TLK1: variants seen among roughly 807,000 people sequenced by gnomAD.
TLK1 encodes serine/threonine-protein kinase tousled-like 1.
In TLK1, 24 loss-of-function variants were observed where a neutral mutation model predicts 105.3. The observed-to-expected ratio is 0.23, with a 90% CI of 0.17 to 0.32. The LOEUF is 0.32. Among genes scored for constraint, TLK1 ranks in the 10% least tolerant of loss-of-function variants. TLK1 has a pLI of 1.00. For missense variants in TLK1, 558 were observed against 910.5 expected (o/e 0.61, Z 4.98); for synonymous variants, 321 against 310.4 (o/e 1.03, Z -0.36).
rs1684911934 is a variant in TLK1, at chr2:171,011,459, G to A, written c.1335-5C>T. The A allele has an allele frequency of 6.2e-7, 1 of 1,607,742 alleles. No individual in the cohort carries two copies. Among genetic ancestry groups the A allele is most frequent in the South Asian group, 1.1e-5 (1 of 89,806 alleles). ...AATGTTGGGTGATCTTTGAACCTTAGAGGTGGGGGCAAAAAACAGACATAT... is the reference window on the plus strand; with the variant it reads ...AATGTTGGGTGATCTTTGAACCTTAAAGGTGGGGGCAAAAAACAGACATAT... On this transcript the variant is annotated splice_region_variant and splice_polypyrimidine_tract_variant and intron_variant, in intron 13 of 20. Transcript: ENST00000431350.
At chr2:171,032,090 A>ACAACAACAACAACAAAAGG (rs1686073602) in intron 11 of TLK1, among the ~76,000 whole-genome samples, 1 of 152,068 alleles carries the variant, frequency 6.6e-6, no homozygotes, top group South Asian at 2.1e-4. Flanking sequence ...GAAAAGAACA[A>ACAACAACAACAACAAAAGG]CAACAACAAC....
At position 171,204,808 on chromosome 2, in the gene TLK1, A is replaced by C. The variant is rs182818731; in HGVS notation, c.-6+26337T>G. 3.6e-3 allele frequency among the ~76,000 whole-genome samples: 551 copies of C among 152,194 alleles called. 6 individuals carry two copies. The highest frequency in any genetic ancestry group is 0.013 in the African/African-American group (522 of 41,524). On this transcript the variant is annotated intron_variant, in intron 1 of 20. Coordinates refer to the TLK1 transcript ENST00000521943. ...ACCCCATTTCTACTAAAATACAAAA[A>C]TTAGCTGGGCGTGGTGGCCGGTGCC...
At chr2:171,148,876 T>C (rs1691900711) in intron 1 of TLK1, among the ~76,000 whole-genome samples, 1 of 39,370 alleles carries the variant, frequency 2.5e-5, no homozygotes. Flanking sequence ...TGAGACTCTG[T>C]CTTAAAAAAA....
chr2:171,185,443 C>CT (rs1413549513), intron 1 of TLK1, among the ~76,000 whole-genome samples: 1 of 152,162 alleles, frequency 6.6e-6, no homozygotes, highest in African/African-American at 2.4e-5. Context: ...TGACATATGA[C>CT]ACTGCCTATC....
chr2:171,066,649 C>G (rs1299740291), intron 3 of TLK1, among the ~76,000 whole-genome samples: 1 of 152,212 alleles, frequency 6.6e-6, no homozygotes, highest in Non-Finnish European at 1.5e-5. Flanking sequence ...CCACTGCATT[C>G]ACACATGTTT....
chr2:171,218,470 A>G (rs1378812048), intron 1 of TLK1, among the ~76,000 whole-genome samples: 2 of 152,226 alleles, frequency 1.3e-5, no homozygotes, highest in African/African-American at 2.4e-5. Flanking sequence ...TGTACTTAAC[A>G]CTACTGTACT....
chr2:171,001,772 T>TTTCA lies in TLK1; in HGVS notation c.1905-3953_1905-3950dup, dbSNP rs529619597. On this transcript the variant is annotated intron_variant, in intron 18 of 20. Transcript: ENST00000431350. ...CCTTTCTCCTCAATTATTTTTTCTT[T>TTTCA]TTCATTCATTCATTCATTCATGAAT... is the stretch of plus-strand genomic sequence containing the variant. 2.6e-4 allele frequency among the ~76,000 whole-genome samples: 39 copies of TTTCA among 152,270 alleles called. No homozygotes were observed. In the Middle Eastern group the frequency reaches 0.014, roughly 53 times the overall value.
intron 13 of TLK1, among the ~76,000 whole-genome samples, chr2:171,013,440 C>T (rs766846942): frequency 2.0e-5 from 3 of 149,088 alleles, no homozygotes; most frequent in African/African-American, 7.4e-5. Flanking sequence ...CAAGTAGCTG[C>T]GACTACAGGT....
chr2:171,094,733 C>G (rs574769107), intron 2 of TLK1, among the ~76,000 whole-genome samples: 14 of 152,090 alleles, frequency 9.2e-5, no homozygotes, highest in Admixed American at 4.6e-4. Context: ...CTCAGCCTCC[C>G]GAGTAGCTGC....
chr2:171,225,354 C>T (rs879130714), intron 1 of TLK1, among the ~76,000 whole-genome samples: 1 of 152,048 alleles, frequency 6.6e-6, no homozygotes, highest in Admixed American at 6.6e-5. Context: ...AGAAGACACA[C>T]AAATGGCCAA....
chr2:171,077,770 T>C (rs1688577871), intron 3 of TLK1, among the ~76,000 whole-genome samples: 1 of 152,232 alleles, frequency 6.6e-6, no homozygotes, highest in Admixed American at 6.5e-5. Flanking sequence ...AAAAACATTA[T>C]AACAATAGAA....
chr2:171,193,700 A>ATTTTTTT (rs35175399), intron 1 of TLK1, among the ~76,000 whole-genome samples: 7 of 64,630 alleles, frequency 1.1e-4, no homozygotes, highest in African/African-American at 3.3e-4. Context: ...AGCGCCTGGC[A>ATTTTTTT]TTTTTTTTTT....
chr2:171,188,375 G>C (rs1191569693), intron 1 of TLK1, among the ~76,000 whole-genome samples: 1 of 152,048 alleles, frequency 6.6e-6, no homozygotes, highest in Non-Finnish European at 1.5e-5. Context: ...TTCAAGACCA[G>C]CCTGGCCAAC....
intron 2 of TLK1, among the ~76,000 whole-genome samples, chr2:171,089,689 AG>A (rs1438639735): frequency 1.3e-5 from 2 of 152,094 alleles, no homozygotes; most frequent in Non-Finnish European, 2.9e-5. Context: ...ATTTTTTAAG[AG>A]ACCAGGTCTT....
At chr2:171,200,145 T>C (rs779609905) in intron 1 of TLK1, among the ~76,000 whole-genome samples, 6 of 152,226 alleles carry the variant, frequency 3.9e-5, no homozygotes, top group Non-Finnish European at 5.9e-5. Context: ...AAGCAAATTG[T>C]GTCTTTGGAA....
intron 11 of TLK1, among the ~76,000 whole-genome samples, chr2:171,040,415 G>A (rs1405342598): frequency 6.6e-6 from 1 of 152,174 alleles, no homozygotes; most frequent in Non-Finnish European, 1.5e-5. Flanking sequence ...ATGTATCCGT[G>A]TGGGGACAGG....
chr2:171,130,438 C>T (rs940973693), intron 1 of TLK1, among the ~76,000 whole-genome samples: 15 of 152,064 alleles, frequency 9.9e-5, no homozygotes, highest in Non-Finnish European at 1.9e-4. Flanking sequence ...ATGTCCATCA[C>T]AGGGTTGTTC....
intron 18 of TLK1, among the ~76,000 whole-genome samples, chr2:171,003,938 AC>A (rs1684521085): frequency 1.3e-5 from 2 of 152,054 alleles, no homozygotes; most frequent in Admixed American, 1.3e-4. Flanking sequence ...TTCGTGACAT[AC>A]CTTTTTCTTA....
chr2:171,146,957 T>C (rs1691815628), intron 1 of TLK1, among the ~76,000 whole-genome samples: 1 of 152,208 alleles, frequency 6.6e-6, no homozygotes, highest in Non-Finnish European at 1.5e-5. Flanking sequence ...TATAACCTTC[T>C]ACTACTAATA....
Sources: allele counts gnomAD v4.1 joint callset (sites outside exome capture counted in the v4.1 genomes callset), GRCh38; gene constraint gnomAD v4.1.1; transcripts MANE v1.5; gene names NCBI Gene and HGNC (gene_info 2026-07-23, HGNC 2026-07-21).